ZNF385B: variants seen among roughly 807,000 people sequenced by gnomAD.
The protein encoded by ZNF385B is zinc finger protein 533.
ZNF385B carries 23 observed loss-of-function variants against 39.2 expected under a neutral mutation model. The observed-to-expected ratio is 0.59, with a 90% confidence interval of 0.42 to 0.83. The LOEUF (loss-of-function observed/expected upper bound fraction) is 0.83. Among genes scored for constraint, ZNF385B ranks in the 40% least tolerant of loss-of-function variants. The probability of loss-of-function intolerance (pLI) is 0.00; values close to 1 mark genes in which losing one functional copy is unlikely to be tolerated. For synonymous variants in ZNF385B, 205 were observed against 222.6 expected, an observed-to-expected ratio of 0.92 and a Z score of 0.70; for missense variants, 552 against 598.9, an observed-to-expected ratio of 0.92 and a Z score of 0.82.
At chr2:179,576,413 G>T (rs1235337055) in intron 3 of ZNF385B, 2 of 153,038 alleles carry the variant, frequency 1.3e-5, no homozygotes, top group Non-Finnish European at 2.9e-5. Context: ...AAGACAGTTG[G>T]GGTACCCATG....
chr2:179,820,939 A>T (rs1199351854), intron 1 of ZNF385B, among the ~76,000 whole-genome samples: 1 of 152,148 alleles, frequency 6.6e-6, no homozygotes, highest in East Asian at 1.9e-4. Context: ...ACTATGCCAC[A>T]TTTATTTTTC....
At chr2:179,737,820 G>A (rs1701859215) in intron 3 of ZNF385B, among the ~76,000 whole-genome samples, 1 of 152,192 alleles carries the variant, frequency 6.6e-6, no homozygotes, top group Non-Finnish European at 1.5e-5. Context: ...CTTGGAAAGT[G>A]AAGTAATTTG....
chr2:179,604,562 G>C (rs976368363), intron 3 of ZNF385B, among the ~76,000 whole-genome samples: 3 of 151,858 alleles, frequency 2.0e-5, no homozygotes, highest in Non-Finnish European at 4.4e-5. Flanking sequence ...TTTGAATCCT[G>C]TTCATCACAC....
intron 3 of ZNF385B, among the ~76,000 whole-genome samples, chr2:179,554,943 T>C (rs1334768613): frequency 1.3e-5 from 2 of 149,368 alleles, no homozygotes; most frequent in Admixed American, 1.3e-4. Flanking sequence ...CCTGGCAATA[T>C]CTATTTAAGC....
intron 3 of ZNF385B, among the ~76,000 whole-genome samples, chr2:179,566,192 A>T (rs1411437596): frequency 1.3e-5 from 2 of 152,224 alleles, no homozygotes; most frequent in Non-Finnish European, 2.9e-5. Flanking sequence ...GGATTATGAG[A>T]ATTACAGAAA....
chr2:179,688,865 C>A (rs927612112), intron 3 of ZNF385B, among the ~76,000 whole-genome samples: 7 of 152,154 alleles, frequency 4.6e-5, no homozygotes, highest in Admixed American at 3.9e-4. Flanking sequence ...TAAATACATA[C>A]AATTTTATCG....
At chr2:179,733,156 C>T (rs1014375967) in intron 3 of ZNF385B, among the ~76,000 whole-genome samples, 3 of 152,272 alleles carry the variant, frequency 2.0e-5, no homozygotes, top group South Asian at 4.1e-4. Context: ...CAGAAATGAT[C>T]ATAGAGGGTC....
At chr2:179,692,860 G>A (rs1698457234) in intron 3 of ZNF385B, among the ~76,000 whole-genome samples, 1 of 152,104 alleles carries the variant, frequency 6.6e-6, no homozygotes, top group African/African-American at 2.4e-5. Flanking sequence ...GTTCACAGGA[G>A]CAAGTACTTG....
At position 179,662,086 on chromosome 2, in the gene ZNF385B, C is replaced by T. The variant is rs190842745; in HGVS notation, c.298+107417G>A. ...GGATATAGATTTGTTATTAGTGAAG[C>T]AGATGTTCATTATTGGAGGAATTAC... On this transcript the variant is annotated intron_variant, in intron 3 of 9. Coordinates refer to ENST00000410066, the MANE Select transcript of ZNF385B (RefSeq NM_152520.6). Among the ~76,000 whole-genome samples the T allele has an allele frequency of 4.1e-3, 621 of 152,262 alleles. 4 individuals carry two copies. Among genetic ancestry groups the T allele is most frequent in the African/African-American group, 0.014 (569 of 41,550 alleles).
chr2:179,825,106 T>C (rs921504682), intron 1 of ZNF385B, among the ~76,000 whole-genome samples: 2 of 152,184 alleles, frequency 1.3e-5, no homozygotes, highest in African/African-American at 4.8e-5. Context: ...AACTCATTAT[T>C]ATCTTTCTGT....
intron 1 of ZNF385B, among the ~76,000 whole-genome samples, chr2:179,838,609 C>T (rs138044706): frequency 2.1e-4 from 32 of 152,040 alleles, no homozygotes; most frequent in African/African-American, 7.7e-4. Flanking sequence ...CAAGATTCCT[C>T]GGGAAAGGAA....
At chr2:179,645,390 A>G (rs565130256) in intron 3 of ZNF385B, among the ~76,000 whole-genome samples, 1 of 152,302 alleles carries the variant, frequency 6.6e-6, no homozygotes, top group Non-Finnish European at 1.5e-5. Flanking sequence ...ATAACTATCA[A>G]TCTGGAAAAA....
chr2:179,749,278 C>T (rs186538553), intron 3 of ZNF385B, among the ~76,000 whole-genome samples: 30 of 152,192 alleles, frequency 2.0e-4, no homozygotes, highest in Non-Finnish European at 1.5e-5. Flanking sequence ...AGTGCAGGCT[C>T]ACCAGAGGGC....
intron 1 of ZNF385B, chr2:179,814,482 C>G: frequency 1.8e-6 from 1 of 563,340 alleles, no homozygotes; most frequent in Non-Finnish European, 3.3e-6. Context: ...GTTATATGAT[C>G]CATGCACTAT....
chr2:179,767,625 T>A (rs1392951757), intron 3 of ZNF385B, among the ~76,000 whole-genome samples: 1 of 152,032 alleles, frequency 6.6e-6, no homozygotes, highest in Admixed American at 6.6e-5. Context: ...CCAAAAAAAA[T>A]GAAATGATGT....
At chr2:179,770,833 G>T (rs1268495996) in intron 1 of ZNF385B, among the ~76,000 whole-genome samples, 161 bp from the exon 2 acceptor site, 2 of 152,232 alleles carry the variant, frequency 1.3e-5, no homozygotes, top group East Asian at 3.9e-4. Flanking sequence ...ATTCGAAAGG[G>T]ATTTTCAGTA....
chr2:179,716,764 G>A (rs964898900), intron 3 of ZNF385B, among the ~76,000 whole-genome samples: 1 of 152,110 alleles, frequency 6.6e-6, no homozygotes, highest in African/African-American at 2.4e-5. Context: ...AAACACTTTG[G>A]CTTGGACCCC....
At chr2:179,706,053 C>T (rs1368260910) in intron 3 of ZNF385B, among the ~76,000 whole-genome samples, 1 of 152,098 alleles carries the variant, frequency 6.6e-6, no homozygotes, top group Non-Finnish European at 1.5e-5. Context: ...AAGAATGGCC[C>T]TATGGTATAA....
At chr2:179,508,687 T>C (rs1210819890) in intron 5 of ZNF385B, among the ~76,000 whole-genome samples, 1 of 152,202 alleles carries the variant, frequency 6.6e-6, no homozygotes, top group Non-Finnish European at 1.5e-5. Flanking sequence ...TCATTTTCTG[T>C]TGAGACTGTA....
Sources: allele counts gnomAD v4.1 joint callset (sites outside exome capture counted in the v4.1 genomes callset), GRCh38; gene constraint gnomAD v4.1.1; transcripts MANE v1.5; gene names NCBI Gene and HGNC (gene_info 2026-07-23, HGNC 2026-07-21).